The following SQOR variants were observed in gnomAD, a reference collection of about 807,000 sequenced individuals.
SQOR encodes sulfide:quinone oxidoreductase, mitochondrial.
Under a neutral mutation model 48.6 loss-of-function variants are expected in SQOR, and 39 were observed. The observed-to-expected ratio is 0.80, with a 90% CI of 0.62 to 1.05. The LOEUF is 1.05. SQOR is among the 50% of genes least tolerant of loss of function. The pLI is 0.00. For synonymous variants in SQOR, 220 were observed against 206.2 expected, an observed-to-expected ratio of 1.07 and a Z score of -0.57; for missense variants, 561 against 559.9, an observed-to-expected ratio of 1.00 and a Z score of -0.02.
intron 1 of SQOR, among the ~76,000 whole-genome samples, chr15:45,654,501 T>C (rs1889559003): frequency 6.6e-6 from 1 of 152,158 alleles, no homozygotes; most frequent in Admixed American, 6.5e-5. Flanking sequence ...CTATGGATAA[T>C]TAATGAAATA....
At chr15:45,687,207 A>G (rs1595511928) in intron 7 of SQOR, among the ~76,000 whole-genome samples, 2 of 151,584 alleles carry the variant, frequency 1.3e-5, no homozygotes, top group African/African-American at 4.9e-5. Flanking sequence ...GCTTGCTGCA[A>G]CCTCCGCGAT....
At chr15:45,669,870 G>A (rs1419471301) in intron 3 of SQOR, 58 bp from the exon 4 acceptor site, 1 of 1,475,106 alleles carries the variant, frequency 6.8e-7, no homozygotes, top group African/African-American at 1.4e-5. Context: ...GCCTGAGTCA[G>A]TCCTTGAGTT....
In SQOR at chr15:45,659,120, T is replaced by C. The variant is rs1472820374; in HGVS notation, c.197T>C (p.Val66Ala). 4.5e-6 allele frequency: 7 copies of C among 1,570,656 alleles called. No homozygotes were observed. The Admixed American group carries it at 5.6e-5, about 13-fold the overall frequency. Residue 66 changes from valine (V) to alanine (A), a missense_variant, in exon 2 of 10, where the codon GTG (valine) becomes GCG (alanine). Physicochemically the swap from Val to Ala is moderately conservative, Grantham distance 64 (BLOSUM62 0). Transcript: ENST00000260324. Reference protein sequence around the residue: ...ITMAARMKRKVGAENVAIVEP... With the variant: ...ITMAARMKRKAGAENVAIVEP... Reference sequence around the variant, plus strand: ...ATGGCTGCCCGCATGAAGAGGAAAGTGGGTGCAGAGAATGTGGCCATTGTT... The same window carrying C: ...ATGGCTGCCCGCATGAAGAGGAAAGCGGGTGCAGAGAATGTGGCCATTGTT...
intron 1 of SQOR, among the ~76,000 whole-genome samples, chr15:45,652,921 C>T (rs2458586): frequency 6.6e-6 from 1 of 150,492 alleles, no homozygotes; most frequent in East Asian, 2.0e-4. Flanking sequence ...TGCAGTGAGT[C>T]GAGATCCAGC....
At chr15:45,677,038 C>CT (rs200565440) in intron 6 of SQOR, among the ~76,000 whole-genome samples, 6 of 113,294 alleles carry the variant, frequency 5.3e-5, no homozygotes, top group African/African-American at 1.9e-4. Context: ...GAGACTCCGT[C>CT]TAAAAAAAAA....
intron 1 of SQOR, among the ~76,000 whole-genome samples, chr15:45,658,556 C>T (rs1484924225): frequency 1.3e-5 from 2 of 152,080 alleles, no homozygotes; most frequent in East Asian, 3.9e-4. Context: ...AATGGGCCAA[C>T]AGCTGGATAC....
intron 5 of SQOR, among the ~76,000 whole-genome samples, chr15:45,674,877 A>G (rs1019720586): frequency 5.9e-5 from 9 of 152,170 alleles, no homozygotes; most frequent in African/African-American, 2.2e-4. Context: ...GATTTCTAGC[A>G]GCTAGTCGTG....
intron 3 of SQOR, 76 bp from the exon 4 acceptor site, chr15:45,669,852 C>T (rs1889906887): frequency 1.6e-6 from 2 of 1,262,378 alleles, no homozygotes; most frequent in Non-Finnish European, 2.3e-6. Context: ...CATGGAACCA[C>T]ATCTGGGGCC....
rs2140966502 is a variant in SQOR at position 45,691,134 on chromosome 15, A to G, written c.*104A>G. The G allele has an allele frequency of 9.7e-7, 1 of 1,033,062 alleles. No individual in the cohort carries two copies. The highest frequency in any genetic ancestry group is 2.4e-5 in the East Asian group (1 of 42,192). 64.0% of individuals were successfully genotyped at this position (1,033,062 alleles called of 1,614,324 possible). The stretch of plus-strand genomic sequence containing the variant: ...GGACTTGGAACCTATCCTTGTAAAG[A>G]GTTCCTTGATGGGTAATGGTGACCA... On this transcript the variant is annotated 3_prime_UTR_variant, in exon 10 of 10. Transcript: ENST00000260324.
chr15:45,678,601 G>A (rs1890075499), intron 6 of SQOR, among the ~76,000 whole-genome samples: 1 of 151,686 alleles, frequency 6.6e-6, no homozygotes, highest in South Asian at 2.1e-4. Context: ...GGTTGTCCCA[G>A]GCTCATCTAG....
intron 5 of SQOR, among the ~76,000 whole-genome samples, chr15:45,674,199 G>A (rs575461859): frequency 6.6e-5 from 10 of 152,314 alleles, no homozygotes; most frequent in African/African-American, 2.4e-4. Flanking sequence ...CACTTTGGGA[G>A]GCCAAGGTGG....
intron 3 of SQOR, among the ~76,000 whole-genome samples, chr15:45,667,941 CTTTT>C (rs1204451548): frequency 9.7e-6 from 1 of 103,276 alleles, no homozygotes; most frequent in Non-Finnish European, 1.9e-5. Context: ...TTCTTTCTTT[CTTTT>C]TTTTTTTTTT....
At chr15:45,650,325 T>C (rs775768126) in intron 1 of SQOR, among the ~76,000 whole-genome samples, 24 of 152,150 alleles carry the variant, frequency 1.6e-4, no homozygotes, top group Non-Finnish European at 3.4e-4. Flanking sequence ...GTGGGGAGTG[T>C]TACAGTTCTT....
intron 2 of SQOR, among the ~76,000 whole-genome samples, chr15:45,661,665 C>T (rs1366905666): frequency 6.6e-6 from 1 of 150,658 alleles, no homozygotes; most frequent in East Asian, 2.0e-4. Context: ...ATAACATGTA[C>T]ATATTAAACA....
chr15:45,645,385 A>G (rs1411181098), intron 1 of SQOR, among the ~76,000 whole-genome samples: 1 of 152,166 alleles, frequency 6.6e-6, no homozygotes, highest in Admixed American at 6.5e-5. Flanking sequence ...TGACTGGACT[A>G]TGGGGTGCCT....
At chr15:45,673,194 T>G (rs1889973527) in intron 4 of SQOR, among the ~76,000 whole-genome samples, 1 of 152,198 alleles carries the variant, frequency 6.6e-6, no homozygotes, top group Non-Finnish European at 1.5e-5. Context: ...TAGAGTTTGG[T>G]CTGGTACAAC....
intron 1 of SQOR, among the ~76,000 whole-genome samples, chr15:45,636,559 A>C (rs1033198349): frequency 1.3e-5 from 2 of 152,036 alleles, no homozygotes; most frequent in Admixed American, 1.3e-4. Flanking sequence ...GTGTGCCACC[A>C]CACCCAGCTA....
intron 1 of SQOR, among the ~76,000 whole-genome samples, chr15:45,643,939 C>T (rs1044701890): frequency 6.6e-6 from 1 of 152,042 alleles, no homozygotes; most frequent in Non-Finnish European, 1.5e-5. Context: ...TCTTCTAGAG[C>T]GGTTACTGCC....
intron 1 of SQOR, among the ~76,000 whole-genome samples, chr15:45,655,974 C>G (rs377596540): frequency 4.6e-5 from 7 of 151,306 alleles, no homozygotes; most frequent in Non-Finnish European, 1.0e-4. Context: ...CGTGAGCCAC[C>G]GTGCCTGGCC....
Sources: gnomAD v4.1 joint callset for allele counts (sites outside exome capture counted in the v4.1 genomes callset) on GRCh38, gnomAD v4.1.1 for gene constraint, MANE v1.5 for transcripts, NCBI Gene and HGNC (gene_info 2026-07-23, HGNC 2026-07-21) for gene names.